Variants in CDIN1 observed in about 807,000 individuals in gnomAD.
CDIN1 encodes CDAN1-interacting nuclease 1.
CDIN1 carries 33 observed loss-of-function variants against 45.3 expected under a neutral mutation model. The ratio of observed to expected loss-of-function variants is 0.73; its 90% CI spans 0.55 to 0.97. The LOEUF is 0.97. Ranked by LOEUF, CDIN1 falls within the 50% of genes least tolerant of loss-of-function variation. The pLI, the probability that CDIN1 is intolerant of heterozygous loss-of-function variation, is 0.00. For synonymous variants in CDIN1, 118 were observed against 124.4 expected (o/e 0.95, Z 0.34); for missense variants, 303 against 339.4 (o/e 0.89, Z 0.84).
At chr15:36,720,470 C>T (rs887258105) in intron 10 of CDIN1, among the ~76,000 whole-genome samples, 1 of 145,056 alleles carries the variant, frequency 6.9e-6, no homozygotes, top group Non-Finnish European at 1.5e-5. Context: ...ATATTCCCCA[C>T]CCTGTGTCCA....
At chr15:36,808,191 C>A in intron 10 of CDIN1, 133 bp from the exon 11 acceptor site, 1 of 1,238,808 alleles carries the variant, frequency 8.1e-7, no homozygotes, top group Non-Finnish European at 1.1e-6. Context: ...TATTTTCAGT[C>A]ACAATGGTAG....
chr15:36,679,640 G>A (rs1480381490), intron 5 of CDIN1, among the ~76,000 whole-genome samples: 1 of 152,168 alleles, frequency 6.6e-6, no homozygotes, highest in Non-Finnish European at 1.5e-5. Context: ...TGAGGAAGAT[G>A]TAAATAAAAA....
chr15:36,737,199 T>A (rs2044060369), intron 10 of CDIN1, among the ~76,000 whole-genome samples: 1 of 151,582 alleles, frequency 6.6e-6, no homozygotes, highest in Admixed American at 6.6e-5. Flanking sequence ...TGCTTCACAC[T>A]GCCCTTTTGC....
intron 5 of CDIN1, among the ~76,000 whole-genome samples, chr15:36,683,058 T>C (rs930598071): frequency 2.0e-5 from 3 of 152,198 alleles, no homozygotes; most frequent in African/African-American, 7.2e-5. Flanking sequence ...TGTATTTCAA[T>C]TTATTTATAT....
chr15:36,746,846 C>G, intron 10 of CDIN1: 2 of 312,972 alleles, frequency 6.4e-6, no homozygotes, highest in East Asian at 4.8e-5. Flanking sequence ...CTCTTCCAGG[C>G]TCAAGTGACC....
intron 7 of CDIN1, among the ~76,000 whole-genome samples, chr15:36,694,264 T>C (rs1169165555): frequency 6.6e-6 from 1 of 152,228 alleles, no homozygotes; most frequent in Non-Finnish European, 1.5e-5. Flanking sequence ...TGCATAGATG[T>C]TTCCTAGACT....
intron 10 of CDIN1, among the ~76,000 whole-genome samples, chr15:36,744,453 T>C (rs2044348605): frequency 6.6e-6 from 1 of 152,212 alleles, no homozygotes; most frequent in Non-Finnish European, 1.5e-5. Flanking sequence ...AAGGGTAATA[T>C]GTTCACTCAT....
At chr15:36,616,988 A>C in intron 1 of CDIN1, 1 of 647,464 alleles carries the variant, frequency 1.5e-6, no homozygotes, top group Admixed American at 2.4e-5. Context: ...TTAATATTTC[A>C]GAACAAAAAC....
At chr15:36,599,237 A>C (rs2037986667) in intron 1 of CDIN1, among the ~76,000 whole-genome samples, 1 of 152,208 alleles carries the variant, frequency 6.6e-6, no homozygotes, top group South Asian at 2.1e-4. Context: ...CCTATTTAAA[A>C]ATATTAAAAT....
At chr15:36,763,998 A>C (rs1566957929) in intron 10 of CDIN1, among the ~76,000 whole-genome samples, 1 of 152,158 alleles carries the variant, frequency 6.6e-6, no homozygotes, top group Non-Finnish European at 1.5e-5. Context: ...AAGTTCAAAA[A>C]ATCATTCCAG....
chr15:36,737,415 C>G (rs1011447138), intron 10 of CDIN1, among the ~76,000 whole-genome samples: 1 of 152,086 alleles, frequency 6.6e-6, no homozygotes, highest in East Asian at 1.9e-4. Flanking sequence ...AGTGTGCCAC[C>G]GTAATGTGAC....
At chr15:36,582,832 G>A (rs2037110034) in intron 1 of CDIN1, among the ~76,000 whole-genome samples, 1 of 152,208 alleles carries the variant, frequency 6.6e-6, no homozygotes, top group Non-Finnish European at 1.5e-5. Context: ...ATTGAGAAGA[G>A]TCATTATTTA....
At chr15:36,697,910 AT>A in intron 8 of CDIN1, among the ~76,000 whole-genome samples, 1 of 152,144 alleles carries the variant, frequency 6.6e-6, no homozygotes, top group Admixed American at 6.6e-5. Context: ...TGTATTACAG[AT>A]TATTTCTTTC....
chr15:36,623,219 A>G (rs776364729), intron 1 of CDIN1, among the ~76,000 whole-genome samples: 1 of 152,118 alleles, frequency 6.6e-6, no homozygotes, highest in Non-Finnish European at 1.5e-5. Flanking sequence ...TTCCCGCTGA[A>G]TTTTTATTTC....
intron 10 of CDIN1, among the ~76,000 whole-genome samples, chr15:36,806,095 G>A (rs947881549): frequency 6.6e-6 from 1 of 152,146 alleles, no homozygotes; most frequent in Non-Finnish European, 1.5e-5. Context: ...TACTCAAAAT[G>A]TTCATAGATC....
At chr15:36,659,219 G>T (rs1487210900) in intron 5 of CDIN1, among the ~76,000 whole-genome samples, 1 of 152,182 alleles carries the variant, frequency 6.6e-6, no homozygotes, top group Non-Finnish European at 1.5e-5. Context: ...GAATTATGAA[G>T]TTAATAGGTT....
At chr15:36,766,282 A>T (rs1382192611) in intron 10 of CDIN1, among the ~76,000 whole-genome samples, 1 of 152,192 alleles carries the variant, frequency 6.6e-6, no homozygotes, top group Admixed American at 6.5e-5. Flanking sequence ...TGTATGTACT[A>T]CGTATTCTTT....
In CDIN1 at chr15:36,657,752, T is replaced by C. The variant is rs1433565181; in HGVS notation, c.274-81T>C. On this transcript the variant is annotated intron_variant, in intron 4 of 10. Coordinates refer to ENST00000566621, the MANE Select transcript of CDIN1 (RefSeq NM_001321759.2). ...CTATGGTTGATTAAAATTGACTTATTCTTCAGTGTTGACAAAATACTGGAG... is the reference window on the plus strand; with the variant it reads ...CTATGGTTGATTAAAATTGACTTATCCTTCAGTGTTGACAAAATACTGGAG... The C allele has an allele frequency of 3.7e-6, 4 of 1,091,212 alleles. No homozygotes were observed. The East Asian group carries it at 1.0e-4, about 29-fold the overall frequency. The allele number at this position is 1,091,212 out of a possible 1,614,324, so 67.6% of individuals were successfully genotyped here.
intron 4 of CDIN1, among the ~76,000 whole-genome samples, chr15:36,656,026 AGTT>A (rs1417952328): frequency 6.6e-6 from 1 of 152,220 alleles, no homozygotes; most frequent in African/African-American, 2.4e-5. Flanking sequence ...GAGAAAACGT[AGTT>A]GTTTAAAGAC....
Sources: gnomAD v4.1 joint callset for allele counts (sites outside exome capture counted in the v4.1 genomes callset) on GRCh38, gnomAD v4.1.1 for gene constraint, MANE v1.5 for transcripts, NCBI Gene and HGNC (gene_info 2026-07-23, HGNC 2026-07-21) for gene names.